Variants in WASL observed in about 807,000 individuals in gnomAD.
The protein encoded by WASL is WASP like actin nucleation promoting factor, also known as actin nucleation-promoting factor WASL.
In WASL, 20 loss-of-function variants were observed where a neutral mutation model predicts 55.5. That is an observed-to-expected ratio of 0.36 (90% confidence interval 0.25 to 0.52). The LOEUF is 0.52. WASL is among the 20% of genes least tolerant of loss of function. The probability of loss-of-function intolerance (pLI) is 0.92; values close to 1 mark genes in which losing one functional copy is unlikely to be tolerated. For synonymous variants in WASL, 249 were observed against 217.6 expected, an observed-to-expected ratio of 1.14 and a Z score of -1.27; for missense variants, 504 against 622.5, an observed-to-expected ratio of 0.81 and a Z score of 2.03.
chr7:123,685,770 T>C (rs1320496539), intron 10 of WASL, among the ~76,000 whole-genome samples: 1 of 150,770 alleles, frequency 6.6e-6, no homozygotes, highest in Non-Finnish European at 1.5e-5. Context: ...TTCTATATTA[T>C]ACTGACTTTC....
At chr7:123,744,516 G>A (rs892905988) in intron 1 of WASL, among the ~76,000 whole-genome samples, 8 of 152,102 alleles carry the variant, frequency 5.3e-5, no homozygotes, top group African/African-American at 1.9e-4. Flanking sequence ...AACAAGTGCT[G>A]AGGAGTTAAA....
chr7:123,747,458 TGGACTCC>T (rs1386444710), intron 1 of WASL, among the ~76,000 whole-genome samples: 2 of 152,172 alleles, frequency 1.3e-5, no homozygotes, highest in African/African-American at 4.8e-5. Context: ...ATACAAAGGG[TGGACTCC>T]TATGAAGTTA....
chr7:123,696,888 T>C, intron 5 of WASL, 141 bp from the exon 6 acceptor site: 1 of 636,558 alleles, frequency 1.6e-6, no homozygotes. Context: ...TACATTTTTT[T>C]CATAAAGTGC....
At chr7:123,740,145 G>GTAT (rs1314022369) in intron 1 of WASL, among the ~76,000 whole-genome samples, 2 of 151,888 alleles carry the variant, frequency 1.3e-5, no homozygotes, top group African/African-American at 2.4e-5. Context: ...ATCAGTTTAT[G>GTAT]TATTAGTAAA....
At chr7:123,702,076 C>T (rs1331344024) in intron 5 of WASL, among the ~76,000 whole-genome samples, 2 of 151,326 alleles carry the variant, frequency 1.3e-5, no homozygotes, top group African/African-American at 2.4e-5. Flanking sequence ...TTTTTTGAGA[C>T]GGAGTCTTGC....
chr7:123,689,553 G>A (rs1163999591), intron 9 of WASL, among the ~76,000 whole-genome samples: 1 of 152,068 alleles, frequency 6.6e-6, no homozygotes, highest in Non-Finnish European at 1.5e-5. Context: ...TGTTACGTGG[G>A]ACGCACACTG....
intron 1 of WASL, among the ~76,000 whole-genome samples, chr7:123,735,660 G>A (rs889166106): frequency 2.0e-5 from 3 of 151,950 alleles, no homozygotes; most frequent in Admixed American, 1.3e-4. Flanking sequence ...TACAGTGGAC[G>A]GTTTTTATGG....
chr7:123,689,008 CT>C (rs768392997), intron 10 of WASL, 33 bp downstream of exon 10: 37 of 15,072 alleles, frequency 2.5e-3, no homozygotes, highest in Non-Finnish European at 4.0e-3. Flanking sequence ...CTCTCTCTGT[CT>C]CTCTCTCTCT....
chr7:123,699,250 T>C (rs562717758), intron 5 of WASL, among the ~76,000 whole-genome samples: 2 of 152,110 alleles, frequency 1.3e-5, no homozygotes, highest in East Asian at 1.9e-4. Context: ...TGGTGGTGTG[T>C]GCCTATAATC....
chr7:123,721,326 T>A (rs1023973372), intron 1 of WASL, among the ~76,000 whole-genome samples: 1 of 152,206 alleles, frequency 6.6e-6, no homozygotes, highest in African/African-American at 2.4e-5. Context: ...GACTGACATG[T>A]ACAATCAAGG....
At chr7:123,717,084 C>T (rs538617181) in intron 1 of WASL, among the ~76,000 whole-genome samples, 12 of 152,104 alleles carry the variant, frequency 7.9e-5, no homozygotes, top group South Asian at 2.1e-4. Flanking sequence ...ATTTCTCTAA[C>T]GCCCCCTTTT....
intron 1 of WASL, among the ~76,000 whole-genome samples, chr7:123,727,002 C>G (rs933101659): frequency 4.7e-4 from 72 of 152,240 alleles, no homozygotes; most frequent in African/African-American, 1.5e-3. Flanking sequence ...AATCAACCCA[C>G]TAAATCTATG....
chr7:123,748,681 C>A lies in WASL; in HGVS notation c.54G>T (p.Gly18=). The A allele has an allele frequency of 6.2e-7, 1 of 1,611,968 alleles. No homozygotes were observed. The highest frequency in any genetic ancestry group is 8.5e-7 in the Non-Finnish European group (1 of 1,179,132). ...TCTCCTGCGGGGTGAGCAACAGGGA[C>A]CCCACGTTGGTGACCCTCCGCGGCG... ...PPPPRRVTNV[G]SLLLTPQENE... Residue 18 remains glycine (G), a synonymous_variant, in exon 1 of 11, where the codon GGG becomes GGT. Transcript: ENST00000223023.
chr7:123,739,550 A>G (rs1035391580), intron 1 of WASL, among the ~76,000 whole-genome samples: 12 of 152,166 alleles, frequency 7.9e-5, no homozygotes, highest in Non-Finnish European at 1.2e-4. Context: ...AATATTCAAC[A>G]CTTTATTATA....
intron 7 of WASL, among the ~76,000 whole-genome samples, 183 bp from the exon 8 acceptor site, chr7:123,695,051 T>C (rs934847146): frequency 6.6e-6 from 1 of 152,098 alleles, no homozygotes; most frequent in African/African-American, 2.4e-5. Flanking sequence ...TATTTTATTC[T>C]TCTTTTTTGT....
intron 1 of WASL, among the ~76,000 whole-genome samples, chr7:123,725,955 G>C (rs1804034033): frequency 6.6e-6 from 1 of 152,130 alleles, no homozygotes; most frequent in African/African-American, 2.4e-5. Context: ...AAGATAAACA[G>C]ATCAGTGTTT....
chr7:123,721,139 C>G (rs577662380), intron 1 of WASL, among the ~76,000 whole-genome samples: 2 of 152,316 alleles, frequency 1.3e-5, no homozygotes, highest in East Asian at 3.9e-4. Context: ...CTTTTACAAA[C>G]TTACTCTTGC....
chr7:123,698,300 T>C (rs529921262), intron 5 of WASL, among the ~76,000 whole-genome samples: 85 of 151,956 alleles, frequency 5.6e-4, no homozygotes, highest in African/African-American at 1.7e-3. Context: ...TGACTGTTAT[T>C]CTTTAATTAT....
chr7:123,727,098 A>G (rs1398133243), intron 1 of WASL, among the ~76,000 whole-genome samples: 1 of 152,168 alleles, frequency 6.6e-6, no homozygotes, highest in Non-Finnish European at 1.5e-5. Context: ...ACCATTAGTC[A>G]TCAAGGAAAT....
Sources: gnomAD v4.1 joint callset for allele counts (sites outside exome capture counted in the v4.1 genomes callset) on GRCh38, gnomAD v4.1.1 for gene constraint, MANE v1.5 for transcripts, NCBI Gene and HGNC (gene_info 2026-07-23, HGNC 2026-07-21) for gene names.